ASIC2: variants seen among roughly 807,000 people sequenced by gnomAD.
ASIC2 encodes the protein acid-sensing ion channel 2.
A neutral mutation model predicts 57.3 loss-of-function variants in ASIC2; 25 were observed. The observed-to-expected ratio is 0.44, with a 90% CI of 0.32 to 0.61. ASIC2 has a LOEUF of 0.61. Among genes scored for constraint, ASIC2 ranks in the 20% least tolerant of loss-of-function variants. The pLI is 0.06. For synonymous variants in ASIC2, 319 were observed against 307.5 expected (o/e 1.04, Z -0.39); for missense variants, 641 against 738.1 (o/e 0.87, Z 1.52).
chr17:33,678,205 A>G (rs1394991511), intron 1 of ASIC2, among the ~76,000 whole-genome samples: 1 of 152,184 alleles, frequency 6.6e-6, no homozygotes, highest in East Asian at 1.9e-4. Flanking sequence ...GACTTTTTTT[A>G]GACATACTGC....
chr17:33,995,153 A>T (rs993147629), intron 1 of ASIC2, among the ~76,000 whole-genome samples: 1 of 152,166 alleles, frequency 6.6e-6, no homozygotes, highest in Non-Finnish European at 1.5e-5. Flanking sequence ...AGTAACACCA[A>T]CAGCTCCCAC....
chr17:33,143,850 T>A (rs941758682), intron 1 of ASIC2, among the ~76,000 whole-genome samples: 10 of 152,202 alleles, frequency 6.6e-5, no homozygotes, highest in Admixed American at 2.6e-4. Flanking sequence ...CATAAAGGAA[T>A]GTACTGAAGC....
intron 1 of ASIC2, among the ~76,000 whole-genome samples, chr17:33,738,263 G>C (rs1324780972): frequency 2.0e-5 from 3 of 152,158 alleles, no homozygotes; most frequent in Non-Finnish European, 2.9e-5. Context: ...GGTTGATGAT[G>C]GAGAGCTCAC....
chr17:33,024,070 G>A, intron 5 of ASIC2, 56 bp from the exon 6 acceptor site: 1 of 1,601,762 alleles, frequency 6.2e-7, no homozygotes, highest in South Asian at 1.1e-5. Context: ...GATTTCTAAG[G>A]GTCCAGAGTA....
intron 1 of ASIC2, among the ~76,000 whole-genome samples, chr17:33,177,556 G>T (rs1459279382): frequency 6.6e-6 from 1 of 152,186 alleles, no homozygotes; most frequent in African/African-American, 2.4e-5. Flanking sequence ...TCAGGAAGAG[G>T]AAGTCGGGAT....
At chr17:33,523,724 G>A (rs1914808501) in intron 1 of ASIC2, among the ~76,000 whole-genome samples, 1 of 152,154 alleles carries the variant, frequency 6.6e-6, no homozygotes, top group African/African-American at 2.4e-5. Flanking sequence ...AAGACACCCA[G>A]TTCTGTGCTC....
At chr17:33,256,886 A>C (rs1909100270) in intron 1 of ASIC2, among the ~76,000 whole-genome samples, 1 of 152,112 alleles carries the variant, frequency 6.6e-6, no homozygotes, top group Non-Finnish European at 1.5e-5. Context: ...TTGGTTTTGG[A>C]ATATGGGAGG....
At chr17:33,643,150 C>G (rs1458202618) in intron 1 of ASIC2, among the ~76,000 whole-genome samples, 1 of 149,138 alleles carries the variant, frequency 6.7e-6, no homozygotes, top group Non-Finnish European at 1.5e-5. Context: ...GCTCATTTCC[C>G]CCCCCCCACA....
chr17:33,329,774 G>T (rs973459464), intron 1 of ASIC2, among the ~76,000 whole-genome samples: 1 of 151,724 alleles, frequency 6.6e-6, no homozygotes, highest in Admixed American at 6.6e-5. Flanking sequence ...AAGGGGGATT[G>T]TCATTATTGC....
intron 1 of ASIC2, among the ~76,000 whole-genome samples, chr17:33,924,231 G>A (rs1452960525): frequency 6.6e-6 from 1 of 152,220 alleles, no homozygotes; most frequent in East Asian, 1.9e-4. Context: ...ACTGCGCTGT[G>A]AGGAACAGCC....
At chr17:34,137,537 A>G (rs1390966553) in intron 1 of ASIC2, among the ~76,000 whole-genome samples, 1 of 152,208 alleles carries the variant, frequency 6.6e-6, no homozygotes, top group Non-Finnish European at 1.5e-5. Flanking sequence ...GTGGACCATC[A>G]GGTGGAGGGC....
At chr17:33,424,797 C>T (rs1466188741) in intron 1 of ASIC2, among the ~76,000 whole-genome samples, 2 of 152,130 alleles carry the variant, frequency 1.3e-5, no homozygotes, top group Non-Finnish European at 2.9e-5. Flanking sequence ...CACCTTCTAC[C>T]CCCACAGCCA....
chr17:33,092,546 G>A (rs1463745788), intron 2 of ASIC2, among the ~76,000 whole-genome samples: 1 of 152,246 alleles, frequency 6.6e-6, no homozygotes, highest in Admixed American at 6.5e-5. Context: ...CTCTGGAGTG[G>A]AGAGCAGGAA....
chr17:33,459,605 T>C (rs1025905385), intron 1 of ASIC2, among the ~76,000 whole-genome samples: 4 of 152,234 alleles, frequency 2.6e-5, no homozygotes, highest in African/African-American at 9.6e-5. Flanking sequence ...CCCAGCAATA[T>C]CCCTCCTTGC....
chr17:33,414,549 AG>A (rs1465719889), intron 1 of ASIC2, among the ~76,000 whole-genome samples: 1 of 151,944 alleles, frequency 6.6e-6, no homozygotes, highest in Admixed American at 6.6e-5. Context: ...ACCTCTCTGG[AG>A]GGGGTCAAGG....
intron 1 of ASIC2, among the ~76,000 whole-genome samples, chr17:33,671,910 C>T (rs1907651193): frequency 6.6e-6 from 1 of 152,148 alleles, no homozygotes; most frequent in Non-Finnish European, 1.5e-5. Flanking sequence ...CTAATTCCAG[C>T]CACTTTCTGT....
chr17:33,867,487 T>C (rs996627948), intron 1 of ASIC2, among the ~76,000 whole-genome samples: 3 of 152,334 alleles, frequency 2.0e-5, no homozygotes, highest in East Asian at 3.9e-4. Context: ...AGATTAACAA[T>C]CATCTCCATC....
intron 1 of ASIC2, chr17:33,791,820 T>C (rs904509887): frequency 1.3e-5 from 2 of 152,162 alleles, no homozygotes; most frequent in African/African-American, 4.8e-5. Flanking sequence ...TATTTTATTT[T>C]ATTTTAAGAC....
intron 1 of ASIC2, among the ~76,000 whole-genome samples, chr17:33,578,462 A>C (rs1328733812): frequency 6.6e-6 from 1 of 152,192 alleles, no homozygotes; most frequent in African/African-American, 2.4e-5. Flanking sequence ...TAGTATGAAT[A>C]AAGACTGAAC....
Sources: allele counts gnomAD v4.1 joint callset (sites outside exome capture counted in the v4.1 genomes callset), GRCh38; gene constraint gnomAD v4.1.1; transcripts MANE v1.5; gene names NCBI Gene and HGNC (gene_info 2026-07-23, HGNC 2026-07-21).